MCF2L: variants seen among roughly 807,000 people sequenced by gnomAD.
MCF2L encodes the protein MCF.2 cell line derived transforming sequence like, also known as guanine nucleotide exchange factor DBS.
A neutral mutation model predicts 153.4 loss-of-function variants in MCF2L; 97 were observed. That is an observed-to-expected ratio of 0.63 (90% confidence interval 0.54 to 0.75). The LOEUF (loss-of-function observed/expected upper bound fraction) is 0.75, where lower values mean the gene tolerates loss of function less well. Ranked by LOEUF, MCF2L falls within the 30% of genes least tolerant of loss-of-function variation. MCF2L has a pLI of 0.00. For synonymous variants in MCF2L, 659 were observed against 632.2 expected, an observed-to-expected ratio of 1.04 and a Z score of -0.64; for missense variants, 1,347 against 1,495.2, an observed-to-expected ratio of 0.90 and a Z score of 1.64.
intron 3 of MCF2L, among the ~76,000 whole-genome samples, chr13:113,030,031 G>A (rs925131014): frequency 1.6e-4 from 25 of 152,196 alleles, no homozygotes; most frequent in African/African-American, 5.3e-4. Context: ...GCAAATGCCA[G>A]GTGTCCCAAT....
intron 1 of MCF2L, among the ~76,000 whole-genome samples, chr13:112,999,073 C>G (rs1003346076): frequency 6.6e-6 from 1 of 152,132 alleles, no homozygotes. Context: ...ATTACTGTGG[C>G]CCCCCAGGGA....
chr13:112,925,511 C>T (rs2081392783), intron 2 of MCF2L, among the ~76,000 whole-genome samples: 1 of 152,166 alleles, frequency 6.6e-6, no homozygotes, highest in South Asian at 2.1e-4. Context: ...AAATAAAGGG[C>T]ATCATATTCA....
intron 5 of MCF2L, 116 bp downstream of exon 5, chr13:113,060,828 A>C: frequency 7.1e-7 from 1 of 1,408,748 alleles, no homozygotes; most frequent in Non-Finnish European, 9.7e-7. Context: ...CGGTCAACAA[A>C]ACCCCGCAGG....
chr13:113,026,386 C>T (rs982265486), intron 3 of MCF2L, among the ~76,000 whole-genome samples: 2 of 152,190 alleles, frequency 1.3e-5, no homozygotes, highest in African/African-American at 4.8e-5. Flanking sequence ...ATCATGGTTC[C>T]GAGGAGCTCA....
chr13:113,076,941 G>A, intron 12 of MCF2L, 111 bp from the exon 13 acceptor site: 1 of 1,176,730 alleles, frequency 8.5e-7, no homozygotes, highest in Non-Finnish European at 1.2e-6. Context: ...CCCGCATGGA[G>A]AACATTTAAA....
chr13:112,909,142 A>C (rs1428949863), intron 2 of MCF2L: 6 of 753,054 alleles, frequency 8.0e-6, no homozygotes, highest in Non-Finnish European at 1.5e-5. Context: ...TGCTTGCCTC[A>C]TCCGCTTCTG....
At chr13:112,994,930 A>T (rs1445783303) in intron 1 of MCF2L, among the ~76,000 whole-genome samples, 1 of 152,226 alleles carries the variant, frequency 6.6e-6, no homozygotes, top group Non-Finnish European at 1.5e-5. Flanking sequence ...TCGCCCAAAA[A>T]GGGGAACAAC....
chr13:113,015,471 CGAGGAGGGTGCCCCGATGCT>C (rs1479500966), intron 2 of MCF2L, among the ~76,000 whole-genome samples: 12 of 151,986 alleles, frequency 7.9e-5, no homozygotes, highest in East Asian at 3.9e-4. Context: ...GCCCCGATGC[CGAGGAGGGTGCCCCGATGCT>C]GAGGAGGGTG....
At chr13:113,018,526 T>G (rs1392433441) in intron 2 of MCF2L, among the ~76,000 whole-genome samples, 1 of 152,056 alleles carries the variant, frequency 6.6e-6, no homozygotes, top group African/African-American at 2.4e-5. Context: ...GGCTGAGGGT[T>G]GGGGGGTGCA....
At chr13:113,049,174 A>G (rs953806029) in intron 4 of MCF2L, among the ~76,000 whole-genome samples, 15 of 152,244 alleles carry the variant, frequency 9.9e-5, no homozygotes, top group African/African-American at 3.4e-4. Flanking sequence ...GAAGTGGGCC[A>G]CAAGGCCAAG....
At position 112,917,726 on chromosome 13, in the gene MCF2L, A is replaced by G. The variant is rs117051136; in HGVS notation, c.169+15355A>G. Among the ~76,000 whole-genome samples, 406 of 152,260 alleles carry G rather than the reference A, an allele frequency of 2.7e-3. 10 individuals are homozygous for G. In the East Asian group the frequency reaches 0.03, roughly 11 times the overall value. On this transcript the variant is annotated intron_variant, in intron 2 of 29. Coordinates refer to the MCF2L transcript ENST00000375608. ...GTCTTCCTGTTCAGCTCTGACCTGG[A>G]GGTACTTCCACTGGATGGGTAGTTT...
chr13:113,042,988 T>A (rs912891786), intron 3 of MCF2L: 1 of 152,230 alleles, frequency 6.6e-6, no homozygotes, highest in African/African-American at 2.4e-5. Flanking sequence ...TGCAAAACAG[T>A]GACGCCGCTC....
intron 13 of MCF2L, 46 bp downstream of exon 13, chr13:113,077,257 G>A: frequency 6.8e-7 from 1 of 1,468,892 alleles, no homozygotes; most frequent in Non-Finnish European, 9.0e-7. Flanking sequence ...GACCCTCGGG[G>A]GAGCCCCGGG....
In MCF2L at chr13:113,046,697, G is replaced by T. The variant is rs1030969591; in HGVS notation, c.369+1336G>T. The T allele has an allele frequency of 2.6e-5, 14 of 528,912 alleles. No homozygotes were observed. The highest frequency in any genetic ancestry group is 2.3e-4 in the African/African-American group (12 of 51,650). 32.8% of individuals were successfully genotyped at this position (528,912 alleles called of 1,614,324 possible). On this transcript the variant is annotated intron_variant, in intron 4 of 29. Coordinates refer to ENST00000535094, the MANE Select transcript of MCF2L (RefSeq NM_001112732.3). The surrounding 1 kb of genome is among the most constrained non-coding windows in gnomAD (Gnocchi z 4.4). ...GTTCTCATCGAAGTCTTTAGGATGA[G>T]GCATCTCCTTGCACCCCCACGGCAC... is the stretch of plus-strand genomic sequence containing the variant.
chr13:112,899,941 C>CG (rs2081104451), intron 1 of MCF2L, among the ~76,000 whole-genome samples: 1 of 152,256 alleles, frequency 6.6e-6, no homozygotes, highest in Admixed American at 6.5e-5. Flanking sequence ...AGAGAAACAG[C>CG]GGAACAGCCC....
chr13:112,998,147 A>G (rs2083216946), intron 1 of MCF2L, among the ~76,000 whole-genome samples: 2 of 152,254 alleles, frequency 1.3e-5, no homozygotes, highest in African/African-American at 4.8e-5. Flanking sequence ...CAGCTCCTAG[A>G]CACGGTCATT....
At position 113,024,634 on chromosome 13, in the gene MCF2L, CTCTCCCCAGGTGGG is replaced by C. The variant is rs1566754178; in HGVS notation, c.164-9_168del. On this transcript the variant is annotated splice_acceptor_variant and splice_polypyrimidine_tract_variant and coding_sequence_variant and intron_variant, in exon 3 of 30. Transcript: ENST00000535094. LOFTEE classifies it high-confidence loss of function. ...CCTCGGCTAAGGGTCTGCCTCTGGT[CTCTCCCCAGGTGGG>C]CGGGGGCAGGACGGAAGCCCGGTTA... The C allele has an allele frequency of 6.2e-7, 1 of 1,600,840 alleles. No homozygotes were observed. Among genetic ancestry groups the C allele is most frequent in the Admixed American group, 1.7e-5 (1 of 59,960 alleles).
chr13:112,988,325 C>T (rs1321054977), intron 1 of MCF2L, among the ~76,000 whole-genome samples: 2 of 152,142 alleles, frequency 1.3e-5, no homozygotes, highest in Non-Finnish European at 2.9e-5. Flanking sequence ...GAATGTATTT[C>T]TAAAATAGTG....
At chr13:113,044,535 C>A (rs1335015221) in intron 3 of MCF2L, 14 of 1,231,004 alleles carry the variant, frequency 1.1e-5, no homozygotes, top group Non-Finnish European at 1.5e-5. Flanking sequence ...TAGGCATGCC[C>A]GTGTGGTTGT....
Sources: gnomAD v4.1 joint callset for allele counts (sites outside exome capture counted in the v4.1 genomes callset) on GRCh38, gnomAD v4.1.1 for gene constraint, Gnocchi (gnomAD v3.1) non-coding constraint, MANE v1.5 for transcripts, NCBI Gene and HGNC (gene_info 2026-07-23, HGNC 2026-07-21) for gene names.